The following RGS7 variants were observed in gnomAD, a reference collection of about 807,000 sequenced individuals.
RGS7 encodes the protein regulator of G protein signaling 7.
In RGS7, 27 loss-of-function variants were observed where a neutral mutation model predicts 81.1. The ratio of observed to expected loss-of-function variants is 0.33; its 90% CI spans 0.25 to 0.46. The LOEUF (loss-of-function observed/expected upper bound fraction) is 0.46, where lower values mean the gene tolerates loss of function less well. Among genes scored for constraint, RGS7 ranks in the 20% least tolerant of loss-of-function variants. RGS7 has a pLI of 1.00. For missense variants in RGS7, 396 were observed against 607.4 expected (o/e 0.65, Z 3.66); for synonymous variants, 208 against 207.7 (o/e 1.00, Z -0.01).
chr1:240,813,164 T>A (rs138657554), intron 13 of RGS7, among the ~76,000 whole-genome samples: 13 of 152,362 alleles, frequency 8.5e-5, no homozygotes, highest in African/African-American at 2.9e-4. Flanking sequence ...TCTTAGGAAG[T>A]GTCTTGCCAG....
intron 18 of RGS7, among the ~76,000 whole-genome samples, chr1:240,782,448 G>A (rs1394114134): frequency 6.6e-6 from 1 of 152,038 alleles, no homozygotes; most frequent in Non-Finnish European, 1.5e-5. Context: ...TTCGAGACAG[G>A]GTCTTGCTCT....
At chr1:240,976,723 ATCTC>A (rs1221246490) in intron 4 of RGS7, among the ~76,000 whole-genome samples, 14 of 132,140 alleles carry the variant, frequency 1.1e-4, no homozygotes, top group Non-Finnish European at 2.1e-4. Flanking sequence ...ATTCCTCAAA[ATCTC>A]TATCTATCTA....
At chr1:240,894,830 G>C (rs1184458195) in intron 6 of RGS7, among the ~76,000 whole-genome samples, 1 of 152,028 alleles carries the variant, frequency 6.6e-6, no homozygotes, top group African/African-American at 2.4e-5. Flanking sequence ...CAGAAGAATA[G>C]GTTTTCTTAT....
At chr1:241,078,297 G>GTC (rs954472606) in intron 3 of RGS7, among the ~76,000 whole-genome samples, 2,126 of 128,244 alleles carry the variant, frequency 0.017, 49 homozygotes, top group African/African-American at 0.062. Flanking sequence ...TGTGCTTCTG[G>GTC]TCTCTGTGTG....
chr1:240,778,305 A>T (rs1316768142), intron 18 of RGS7, among the ~76,000 whole-genome samples: 1 of 152,256 alleles, frequency 6.6e-6, no homozygotes, highest in Non-Finnish European at 1.5e-5. Flanking sequence ...TATTCAGTTC[A>T]TAGCAGCCAC....
At chr1:240,995,440 G>A (rs572259567) in intron 3 of RGS7, among the ~76,000 whole-genome samples, 1 of 152,222 alleles carries the variant, frequency 6.6e-6, no homozygotes, top group East Asian at 1.9e-4. Flanking sequence ...GACTTTTCCA[G>A]TGAAACCATG....
intron 6 of RGS7, among the ~76,000 whole-genome samples, chr1:240,905,676 C>T (rs929668554): frequency 4.6e-5 from 7 of 152,144 alleles, no homozygotes; most frequent in Middle Eastern, 3.4e-3. Context: ...TCAGTGGAAG[C>T]GTTGGAGTGT....
At chr1:241,021,694 T>A (rs2059545000) in intron 3 of RGS7, among the ~76,000 whole-genome samples, 1 of 152,192 alleles carries the variant, frequency 6.6e-6, no homozygotes, top group Non-Finnish European at 1.5e-5. Context: ...ATCTAATGCC[T>A]TTCCTTTACT....
chr1:241,294,865 A>C (rs35964251), intron 2 of RGS7, among the ~76,000 whole-genome samples: 19,392 of 152,214 alleles, frequency 0.13, 1,359 homozygotes, highest in Middle Eastern at 0.18. Context: ...AGGAGGCTAC[A>C]CCATCTAGGT....
chr1:240,907,922 T>C (rs1671093639), intron 6 of RGS7, among the ~76,000 whole-genome samples: 2 of 152,166 alleles, frequency 1.3e-5, no homozygotes, highest in Non-Finnish European at 2.9e-5. Flanking sequence ...GCCATTCGTT[T>C]TGATTTAAAT....
intron 3 of RGS7, among the ~76,000 whole-genome samples, chr1:241,058,129 C>T (rs1371954987): frequency 1.3e-5 from 2 of 152,118 alleles, no homozygotes; most frequent in Admixed American, 6.5e-5. Context: ...TCATCAGTCT[C>T]CTGATGAGAT....
chr1:240,929,886 C>T (rs1675106312), intron 6 of RGS7, among the ~76,000 whole-genome samples: 1 of 152,216 alleles, frequency 6.6e-6, no homozygotes, highest in Non-Finnish European at 1.5e-5. Flanking sequence ...ATTCACTTGA[C>T]ACTCTACAGT....
chr1:241,039,063 T>C (rs1235360059), intron 3 of RGS7, among the ~76,000 whole-genome samples: 6 of 152,078 alleles, frequency 3.9e-5, no homozygotes, highest in Non-Finnish European at 7.4e-5. Context: ...CCACTTCCGA[T>C]GTTGTGACCA....
At chr1:240,882,815 T>C (rs1666634111) in intron 6 of RGS7, among the ~76,000 whole-genome samples, 1 of 152,174 alleles carries the variant, frequency 6.6e-6, no homozygotes, top group Non-Finnish European at 1.5e-5. Context: ...TAAACTACAT[T>C]ACAGATTGTA....
At chr1:240,828,529 C>G (rs1693264220) in intron 9 of RGS7, among the ~76,000 whole-genome samples, 1 of 152,198 alleles carries the variant, frequency 6.6e-6, no homozygotes, top group African/African-American at 2.4e-5. Flanking sequence ...TGGCTCACGC[C>G]TGTAACCCCA....
At chr1:241,029,589 T>TG (rs1410572456) in intron 3 of RGS7, among the ~76,000 whole-genome samples, 4 of 152,228 alleles carry the variant, frequency 2.6e-5, no homozygotes, top group African/African-American at 9.6e-5. Flanking sequence ...TTACAACATC[T>TG]GAACAAGAAT....
chr1:241,243,255 T>C (rs2076349454), intron 2 of RGS7, among the ~76,000 whole-genome samples: 1 of 152,206 alleles, frequency 6.6e-6, no homozygotes, highest in African/African-American at 2.4e-5. Context: ...AGCCAAAAAG[T>C]CACCAGGAAT....
chr1:241,294,068 A>G (rs1243417667), intron 2 of RGS7, among the ~76,000 whole-genome samples: 1 of 152,224 alleles, frequency 6.6e-6, no homozygotes, highest in Non-Finnish European at 1.5e-5. Flanking sequence ...AGACTGGATA[A>G]AGAAAATGTG....
chr1:241,089,363 T>C lies in RGS7; in HGVS notation c.175+9303A>G, dbSNP rs530376733. Among the ~76,000 whole-genome samples the C allele has an allele frequency of 4.3e-3, 648 of 151,670 alleles. 4 individuals carry two copies. Among genetic ancestry groups the C allele is most frequent in the African/African-American group, 0.015 (626 of 41,266 alleles). The stretch of plus-strand genomic sequence containing the variant: ...CCAAAAAACATACCATTTTGGCATA[T>C]TGATTATTCTGAGGTAAAGGCAATT... On this transcript the variant is annotated intron_variant, in intron 3 of 18. Coordinates refer to ENST00000440928, the MANE Select transcript of RGS7 (RefSeq NM_001364886.1).
Sources: allele counts gnomAD v4.1 joint callset (sites outside exome capture counted in the v4.1 genomes callset), GRCh38; gene constraint gnomAD v4.1.1; transcripts MANE v1.5; gene names NCBI Gene and HGNC (gene_info 2026-07-23, HGNC 2026-07-21).